Variants in ACAP3 observed in about 807,000 individuals in gnomAD.
ACAP3 encodes arf-GAP with coiled-coil, ANK repeat and PH domain-containing protein 3.
In ACAP3, 56 loss-of-function variants were observed where a neutral mutation model predicts 104.1. That is an observed-to-expected ratio of 0.54 (90% CI 0.43 to 0.67). ACAP3 has a LOEUF of 0.67. ACAP3 is among the 30% of genes least tolerant of loss of function. The probability of loss-of-function intolerance (pLI) is 0.00; values close to 1 mark genes in which losing one functional copy is unlikely to be tolerated. For synonymous variants in ACAP3, 628 were observed against 496.2 expected (o/e 1.27, Z -3.53); for missense variants, 1,208 against 1,174.9 (o/e 1.03, Z -0.41).
rs764997780 is a variant in ACAP3, at chr1:1,300,492, C to T, written c.522+17G>A. The stretch of plus-strand genomic sequence containing the variant: ...CTACAGCTGGTCCCCGCCCCCCAGC[C>T]CATTTCTGGGGCTGACCTGGAGCAC... On this transcript the variant is annotated intron_variant, in intron 6 of 23. Transcript: ENST00000354700. The T allele has an allele frequency of 9.4e-6, 15 of 1,599,748 alleles. No individual in the cohort carries two copies. The highest frequency in any genetic ancestry group is 1.3e-5 in the Non-Finnish European group (15 of 1,174,378).
intron 1 of ACAP3, among the ~76,000 whole-genome samples, chr1:1,306,658 G>C (rs912727609): frequency 1.3e-5 from 2 of 152,194 alleles, no homozygotes; most frequent in African/African-American, 4.8e-5. Context: ...GAGACCCAGC[G>C]CGCGCGTGCA....
intron 1 of ACAP3, chr1:1,307,108 G>T: frequency 8.7e-7 from 1 of 1,150,656 alleles, no homozygotes; most frequent in Non-Finnish European, 1.2e-6. Flanking sequence ...CTCCATTGTC[G>T]TTTGCCAAAT....
At position 1,298,422 on chromosome 1, in the gene ACAP3, C is replaced by T. The variant is rs1338531754; in HGVS notation, c.864-1G>A. On this transcript the variant is annotated splice_acceptor_variant, in intron 11 of 23. Coordinates refer to ENST00000354700, the MANE Select transcript of ACAP3 (RefSeq NM_030649.3). LOFTEE classifies it high-confidence loss of function. ...GCTGTTCTGAATGGAGAACCAGCGC[C>T]TAGGTGGGTGGGGGGATGTGGGGAG... 6.2e-7 allele frequency: 1 copy of T among 1,601,072 alleles called. No homozygotes were observed. Among genetic ancestry groups the T allele is most frequent in the African/African-American group, 1.3e-5 (1 of 74,590 alleles).
intron 10 of ACAP3, chr1:1,299,017 G>A (rs1391164417): frequency 3.6e-6 from 2 of 556,816 alleles, no homozygotes; most frequent in Non-Finnish European, 6.3e-6. Flanking sequence ...CATGTGGCCA[G>A]CTGGGCGGAC....
intron 1 of ACAP3, chr1:1,304,932 C>G (rs1292635760): frequency 6.6e-6 from 1 of 152,346 alleles, no homozygotes; most frequent in Non-Finnish European, 1.5e-5. Context: ...TCCACACAAT[C>G]GGCTCACTGG....
In ACAP3 at chr1:1,300,569, G is replaced by C. The variant is rs769889112; in HGVS notation, c.462C>G (p.Thr154=). 1.1e-4 allele frequency: 173 copies of C among 1,611,892 alleles called. 3 individuals carry two copies. In the South Asian group the frequency reaches 1.8e-3, roughly 17 times the overall value. ...ACTTCCTGGTGAGGGTGAGGGCCCC[G>C]GTGGCTTCCTCCACCTCGTGGGGCC... ...RHRPHEVEEA[T]GALTLTRKCF... is the part of the protein sequence containing the mutation. Residue 154 remains threonine, a synonymous_variant, in exon 6 of 24, where the codon ACC becomes ACG. Transcript: ENST00000354700.
At position 1,303,174 on chromosome 1, in the gene ACAP3, G is replaced by A. The variant is rs137985693; in HGVS notation, c.213C>T (p.Asp71=). The part of the protein sequence containing the change: ...VRDLSQQCQG[D]TVISECLQRF... ...GTCGGCCCCTCACCGAGATGACGGT[G>A]TCGCCCTGGCACTGCTGGGACAGGT... The change falls in exon 3 of 24, where the codon GAC becomes GAT. Residue 71 remains aspartate (D), a synonymous_variant. Coordinates refer to ENST00000354700, the MANE Select transcript of ACAP3 (RefSeq NM_030649.3). This position sits in a 1 kb window ranked among gnomAD's most constrained non-coding sequence, Gnocchi z 4.0. 6.2e-6 allele frequency: 10 copies of A among 1,603,314 alleles called. No homozygotes were observed. The highest frequency in any genetic ancestry group is 3.4e-5 in the South Asian group (3 of 89,130).
intron 19 of ACAP3, among the ~76,000 whole-genome samples, chr1:1,295,169 G>A (rs1221213353): frequency 6.6e-6 from 1 of 152,092 alleles, no homozygotes; most frequent in Non-Finnish European, 1.5e-5. Context: ...GCTCCAGAAG[G>A]GCCCTAGGCT....
At chr1:1,304,613 T>C (rs1641609892) in intron 1 of ACAP3, 1 of 170,140 alleles carries the variant, frequency 5.9e-6, no homozygotes, top group Non-Finnish European at 1.3e-5. Context: ...GTAGGGCAGC[T>C]GCTCTCGGTC....
chr1:1,295,640 T>C lies in ACAP3; in HGVS notation c.1706-86A>G. ...GGTCACGCCGGGAGTCTGCGGAGCC[T>C]GAGGTGCCCCCAGAGCCCTGCCACC... is the stretch of plus-strand genomic sequence containing the variant. On this transcript the variant is annotated intron_variant, in intron 18 of 23. Coordinates refer to ENST00000354700, the MANE Select transcript of ACAP3 (RefSeq NM_030649.3). 1.9e-6 allele frequency: 3 copies of C among 1,557,222 alleles called. No individual in the cohort carries two copies. The East Asian group carries it at 7.2e-5, about 37-fold the overall frequency.
Position 1,300,161 on chromosome 1 carries a change from G to C in ACAP3, c.564C>G (p.Asp188Glu). Reference protein sequence around the residue: ...LQAKKKFEILDSMLSFMHAQS... With the variant: ...LQAKKKFEILESMLSFMHAQS... ...GGGGCAGCCCCCACGCACTCACAGA[G>C]TCCAGGATCTCAAACTTCTTCTTGG... The change falls in exon 7 of 24, where the codon GAC (aspartate) becomes GAG (glutamate). Residue 188 changes from aspartate to glutamate, a missense_variant. Coordinates refer to ENST00000354700, the MANE Select transcript of ACAP3 (RefSeq NM_030649.3). The C allele has an allele frequency of 6.2e-7, 1 of 1,610,582 alleles. No homozygotes were observed. The highest frequency in any genetic ancestry group is 1.1e-5 in the South Asian group (1 of 90,838).
chr1:1,299,228 C>A (rs912842738), intron 10 of ACAP3, 117 bp downstream of exon 10: 49 of 1,338,362 alleles, frequency 3.7e-5, no homozygotes, highest in Non-Finnish European at 4.7e-5. Flanking sequence ...CAGCAGGAGC[C>A]GAGACTGGTG....
intron 2 of ACAP3, 66 bp downstream of exon 2, chr1:1,304,020 G>C: frequency 1.9e-6 from 3 of 1,542,138 alleles, no homozygotes; most frequent in Non-Finnish European, 2.6e-6. Flanking sequence ...GGCCTGGAGG[G>C]CGAGTCTGGC....
chr1:1,295,924 G>A lies in ACAP3; in HGVS notation c.1517C>T (p.Ala506Val). ...TTCCACGTATTTGTCCTTGATCCAG[G>A]CCTCCTTGTCCTGCCTGGACCAGGG... is the stretch of plus-strand genomic sequence containing the variant. ...TASSSRQDKE[A>V]WIKDKYVEKK... The change falls in exon 18 of 24, where the codon GCC becomes GTC. Residue 506 changes from alanine to valine, a missense_variant. By Grantham distance (64) the Ala-to-Val change is moderately conservative. Coordinates refer to ENST00000354700, the MANE Select transcript of ACAP3 (RefSeq NM_030649.3). 2 of 1,612,380 alleles carry A rather than the reference G, an allele frequency of 1.2e-6. No individual in the cohort carries two copies. The highest frequency in any genetic ancestry group is 1.3e-5 in the African/African-American group (1 of 75,034).
rs542818574 is a variant in ACAP3, at chr1:1,297,002, C to T, written c.1129-369G>A. Among the ~76,000 whole-genome samples, 5 of 152,386 alleles carry T rather than the reference C, an allele frequency of 3.3e-5. No individual in the cohort carries two copies. The East Asian group carries it at 5.8e-4, about 18-fold the overall frequency. ...TGCACACACATGCACATCCACACTG[C>T]ACAAGCCAGCATGCCAGTGCACACC... On this transcript the variant is annotated intron_variant, in intron 14 of 23. Transcript: ENST00000354700.
chr1:1,301,288 C>T (rs1641433275), intron 5 of ACAP3, among the ~76,000 whole-genome samples: 1 of 115,126 alleles, frequency 8.7e-6, no homozygotes, highest in African/African-American at 3.4e-5. Context: ...TTGATGGAGT[C>T]TCTCTCTGTC....
chr1:1,297,843 G>T lies in ACAP3; in HGVS notation c.1107C>A (p.Ser369Arg), dbSNP rs558870678. Reference protein sequence around the residue: ...QASIASAYRESPDSCYSERLD... With the variant: ...QASIASAYRERPDSCYSERLD... ...ACACCTCGCTATAGCAACTGTCAGG[G>T]CTCTCGCGGTAGGCGGAGGCGATGC... Residue 369 changes from serine to arginine, a missense_variant, in exon 14 of 24, where the codon AGC (serine) becomes AGA (arginine). By Grantham distance (110) the Ser-to-Arg change is moderately radical. Coordinates refer to ENST00000354700, the MANE Select transcript of ACAP3 (RefSeq NM_030649.3). 1.5e-5 allele frequency: 24 copies of T among 1,611,760 alleles called. No individual in the cohort carries two copies. The Admixed American group carries it at 3.3e-4, about 22-fold the overall frequency.
chr1:1,293,670 G>A lies in ACAP3; in HGVS notation c.2399C>T (p.Ala800Val). ...GCCCGGGGGACCAGGGGCAGCCTCG[G>A]CCTCGCGCATTTCCTCCGCCATGCG... ...LARMAEEMRE[A>V]EAAPGPPGAL... Residue 800 changes from alanine to valine, a missense_variant, in exon 24 of 24, where the codon GCC (alanine) becomes GTC (valine). Transcript: ENST00000354700. The A allele has an allele frequency of 1.4e-6, 2 of 1,450,606 alleles. No individual in the cohort carries two copies. The highest frequency in any genetic ancestry group is 9.0e-7 in the Non-Finnish European group (1 of 1,111,516). 89.9% of individuals were successfully genotyped at this position (1,450,606 alleles called of 1,614,324 possible). A position where few individuals can be genotyped will look rare whatever the true frequency, so the allele number is the denominator to read the frequency against.
At chr1:1,298,755 G>C in intron 10 of ACAP3, 76 bp from the exon 11 acceptor site, 2 of 1,143,266 alleles carry the variant, frequency 1.7e-6, no homozygotes, top group Non-Finnish European at 2.6e-6. Context: ...CGGAGCACAG[G>C]TGGGGGTGAG....
Sources: allele counts gnomAD v4.1 joint callset (sites outside exome capture counted in the v4.1 genomes callset), GRCh38; gene constraint gnomAD v4.1.1; non-coding constraint Gnocchi (gnomAD v3.1); transcripts MANE v1.5; gene names NCBI Gene and HGNC (gene_info 2026-07-23, HGNC 2026-07-21).